Variants in TMEM132D observed in about 807,000 individuals in gnomAD.
TMEM132D encodes the protein mature OL transmembrane protein.
A neutral mutation model predicts 62.3 loss-of-function variants in TMEM132D; 21 were observed. The observed-to-expected ratio is 0.34, with a 90% CI of 0.24 to 0.49. TMEM132D has a LOEUF of 0.49. TMEM132D is among the 20% of genes least tolerant of loss of function. The probability of loss-of-function intolerance (pLI) is 0.99; values close to 1 mark genes in which losing one functional copy is unlikely to be tolerated. For missense variants in TMEM132D, 1,346 were observed against 1,402.8 expected (o/e 0.96, Z 0.65); for synonymous variants, 621 against 575.6 (o/e 1.08, Z -1.13).
intron 2 of TMEM132D, among the ~76,000 whole-genome samples, chr12:129,569,184 C>A (rs1263414324): frequency 6.6e-6 from 1 of 152,206 alleles, no homozygotes; most frequent in Non-Finnish European, 1.5e-5. Flanking sequence ...GCATCCTAAC[C>A]TAATAACCTG....
intron 1 of TMEM132D, among the ~76,000 whole-genome samples, chr12:129,738,753 G>C (rs566826647): frequency 6.6e-6 from 1 of 152,280 alleles, no homozygotes; most frequent in Non-Finnish European, 1.5e-5. Flanking sequence ...AATACTCCTT[G>C]AGCACGGTAG....
intron 3 of TMEM132D, among the ~76,000 whole-genome samples, chr12:129,339,696 A>G (rs1011194514): frequency 6.6e-6 from 1 of 152,188 alleles, no homozygotes; most frequent in African/African-American, 2.4e-5. Flanking sequence ...TCGTTTTTGT[A>G]TTCGAACTTG....
intron 3 of TMEM132D, among the ~76,000 whole-genome samples, chr12:129,399,816 G>T (rs1288311452): frequency 1.3e-5 from 2 of 152,024 alleles, no homozygotes; most frequent in Non-Finnish European, 2.9e-5. Context: ...AAAACTGTGT[G>T]GCTCAAAGGA....
At chr12:129,868,027 G>GGCGTTTCTATGGTACACACGAGACA (rs1874111505) in intron 1 of TMEM132D, among the ~76,000 whole-genome samples, 5 of 121,486 alleles carry the variant, frequency 4.1e-5, no homozygotes, top group Middle Eastern at 4.0e-3. Flanking sequence ...TACATGAGGT[G>GGCGTTTCTATGGTACACACGAGACA]GCGTTTCTAT....
In TMEM132D at chr12:129,087,726, C is replaced by G. The variant is rs546883860; in HGVS notation, c.1444-3024G>C. 4.6e-5 allele frequency among the ~76,000 whole-genome samples: 7 copies of G among 152,330 alleles called. No homozygotes were observed. In the South Asian group the frequency reaches 1.2e-3, roughly 27 times the overall value. ...GAGCTGATTTCAGACTTTCGGCCTT[C>G]AGAACTGGAAGAGAATACATGGGTG... On this transcript the variant is annotated intron_variant, in intron 5 of 8. Transcript: ENST00000422113.
chr12:129,536,883 G>A (rs547790128), intron 2 of TMEM132D, among the ~76,000 whole-genome samples: 5 of 152,260 alleles, frequency 3.3e-5, no homozygotes, highest in South Asian at 2.1e-4. Context: ...GCGGCCGGGC[G>A]CGGTAGCTCA....
chr12:129,274,709 AC>A (rs1880955440), intron 4 of TMEM132D, among the ~76,000 whole-genome samples: 1 of 151,990 alleles, frequency 6.6e-6, no homozygotes, highest in African/African-American at 2.4e-5. Context: ...CCACAGTGAA[AC>A]CCCGTCTCTA....
At chr12:129,809,033 C>T (rs4759983) in intron 1 of TMEM132D, among the ~76,000 whole-genome samples, 134,709 of 152,210 alleles carry the variant, frequency 0.89, 60,247 homozygotes, top group Non-Finnish European at 0.96. Context: ...TGTGGCCGGG[C>T]GCAGTGGCTC....
chr12:129,206,270 C>T (rs941142706), intron 5 of TMEM132D, among the ~76,000 whole-genome samples: 1 of 152,160 alleles, frequency 6.6e-6, no homozygotes, highest in African/African-American at 2.4e-5. Context: ...CAAAAACCAA[C>T]CCCACTGAAA....
At chr12:129,099,246 C>A (rs1875213982) in intron 5 of TMEM132D, among the ~76,000 whole-genome samples, 1 of 152,214 alleles carries the variant, frequency 6.6e-6, no homozygotes, top group Non-Finnish European at 1.5e-5. Flanking sequence ...ACTGTCTGTA[C>A]ACCTTATTGC....
chr12:129,409,461 A>C (rs1035219372), intron 3 of TMEM132D, among the ~76,000 whole-genome samples: 3 of 152,210 alleles, frequency 2.0e-5, no homozygotes, highest in African/African-American at 7.2e-5. Context: ...AAGAATGTGT[A>C]AAAACTTTCT....
chr12:129,770,984 G>A (rs1870732737), intron 1 of TMEM132D, among the ~76,000 whole-genome samples: 1 of 152,186 alleles, frequency 6.6e-6, no homozygotes, highest in Admixed American at 6.5e-5. Context: ...AGTTCGGAGA[G>A]GCACAGGTGA....
At chr12:129,265,738 C>G (rs1000598435) in intron 4 of TMEM132D, among the ~76,000 whole-genome samples, 1 of 151,970 alleles carries the variant, frequency 6.6e-6, no homozygotes, top group Non-Finnish European at 1.5e-5. Flanking sequence ...TGCTCTTTCC[C>G]CAGAAATCCA....
intron 1 of TMEM132D, among the ~76,000 whole-genome samples, chr12:129,880,317 A>C (rs1874551372): frequency 6.6e-6 from 1 of 152,220 alleles, no homozygotes; most frequent in Non-Finnish European, 1.5e-5. Context: ...AAAAGTAAAA[A>C]CTGAAAATGC....
At chr12:129,626,707 C>A (rs966484247) in intron 2 of TMEM132D, among the ~76,000 whole-genome samples, 3 of 152,198 alleles carry the variant, frequency 2.0e-5, no homozygotes, top group Non-Finnish European at 4.4e-5. Flanking sequence ...CCGCCCTCCT[C>A]AGCCCCCATA....
chr12:129,416,205 A>G (rs1299734715), intron 3 of TMEM132D, among the ~76,000 whole-genome samples: 2 of 152,140 alleles, frequency 1.3e-5, no homozygotes, highest in Non-Finnish European at 2.9e-5. Context: ...ATGTTTTTCC[A>G]TTTGTTTGTG....
chr12:129,479,286 G>A (rs1391858959), intron 3 of TMEM132D, among the ~76,000 whole-genome samples: 3 of 151,982 alleles, frequency 2.0e-5, no homozygotes, highest in Admixed American at 6.6e-5. Context: ...AAAAAGCTTT[G>A]GTGAAAAAAA....
At chr12:129,129,141 C>G (rs1876298804) in intron 5 of TMEM132D, among the ~76,000 whole-genome samples, 1 of 151,884 alleles carries the variant, frequency 6.6e-6, no homozygotes, top group African/African-American at 2.4e-5. Flanking sequence ...GCCTCCCTTC[C>G]TCCTTCTCCT....
intron 3 of TMEM132D, among the ~76,000 whole-genome samples, chr12:129,477,914 CG>C (rs1874318989): frequency 6.6e-6 from 1 of 151,994 alleles, no homozygotes; most frequent in African/African-American, 2.4e-5. Context: ...TGTTTAATGA[CG>C]GGGACATGTT....
Sources: gnomAD v4.1 joint callset for allele counts (sites outside exome capture counted in the v4.1 genomes callset) on GRCh38, gnomAD v4.1.1 for gene constraint, MANE v1.5 for transcripts, NCBI Gene and HGNC (gene_info 2026-07-23, HGNC 2026-07-21) for gene names.